The following TTC13 variants were observed in gnomAD, a reference collection of about 807,000 sequenced individuals.
The protein encoded by TTC13 is tetratricopeptide repeat protein 13.
TTC13 carries 62 observed loss-of-function variants against 120.0 expected under a neutral mutation model. The ratio of observed to expected loss-of-function variants is 0.52; its 90% CI spans 0.42 to 0.64. The LOEUF is 0.64. Ranked by LOEUF, TTC13 falls within the 30% of genes least tolerant of loss-of-function variation. The pLI is 0.00. For synonymous variants in TTC13, 384 were observed against 393.5 expected, an observed-to-expected ratio of 0.98 and a Z score of 0.28; for missense variants, 824 against 1,050.2, an observed-to-expected ratio of 0.78 and a Z score of 2.98.
At chr1:230,943,772 A>G (rs760761732) in intron 6 of TTC13, 34 bp downstream of exon 6, 4 of 1,539,106 alleles carry the variant, frequency 2.6e-6, no homozygotes, top group South Asian at 2.4e-5. Context: ...AACTAATCCA[A>G]TAATGACAGA....
chr1:230,967,665 T>A (rs1398075592), intron 1 of TTC13, among the ~76,000 whole-genome samples: 1 of 152,210 alleles, frequency 6.6e-6, no homozygotes, highest in Non-Finnish European at 1.5e-5. Flanking sequence ...AGAAAAATAG[T>A]TGCTAGAGTT....
chr1:230,917,117 A>C (rs1439335279), intron 17 of TTC13, among the ~76,000 whole-genome samples: 2 of 152,138 alleles, frequency 1.3e-5, no homozygotes, highest in Admixed American at 1.3e-4. Flanking sequence ...GCAGCCCAGA[A>C]GCCAGAGGAT....
chr1:230,948,420 A>C (rs1675219689), intron 4 of TTC13, among the ~76,000 whole-genome samples: 1 of 149,534 alleles, frequency 6.7e-6, no homozygotes, highest in Non-Finnish European at 1.5e-5. Flanking sequence ...AAAAAAAGGT[A>C]ACATCTAAAT....
At chr1:230,937,973 C>T (rs888944507) in intron 8 of TTC13, among the ~76,000 whole-genome samples, 6 of 152,304 alleles carry the variant, frequency 3.9e-5, no homozygotes, top group African/African-American at 1.4e-4. Context: ...TGCACTAATA[C>T]GTATTGAGCA....
At chr1:230,933,565 T>G (rs1673763939) in intron 9 of TTC13, among the ~76,000 whole-genome samples, 1 of 152,204 alleles carries the variant, frequency 6.6e-6, no homozygotes, top group African/African-American at 2.4e-5. Flanking sequence ...ACGCTGAAGT[T>G]AAGAGAGAAT....
intron 1 of TTC13, among the ~76,000 whole-genome samples, chr1:230,974,076 C>CAAA (rs56139200): frequency 9.6e-6 from 1 of 103,738 alleles, no homozygotes; most frequent in Non-Finnish European, 2.0e-5. Context: ...TACTCCATCT[C>CAAA]AAAAAAAAAA....
intron 16 of TTC13, 95 bp downstream of exon 16, chr1:230,921,326 C>T (rs1008744639): frequency 2.0e-5 from 14 of 705,958 alleles, no homozygotes; most frequent in Middle Eastern, 2.6e-4. Flanking sequence ...TTGTTTAGCC[C>T]GTCAACAGGC....
rs12135063 is a variant in TTC13 at position 230,944,552 on chromosome 1, C to T, written c.580-654G>A. The stretch of plus-strand genomic sequence containing the variant: ...CTAAGCACTTCCATCATTCCCAATT[C>T]TAAATTCATTCTCAGTCCTCTATGT... On this transcript the variant is annotated intron_variant, in intron 5 of 22. Coordinates refer to ENST00000366661, the MANE Select transcript of TTC13 (RefSeq NM_024525.5). This position sits in a 1 kb window ranked among gnomAD's most constrained non-coding sequence, Gnocchi z 4.0. Among the ~76,000 whole-genome samples, 11,259 of 152,148 alleles carry T rather than the reference C, an allele frequency of 0.074. 456 individuals carry two copies. Among genetic ancestry groups the T allele is most frequent in the Non-Finnish European group, 0.088 (5,973 of 68,006 alleles).
chr1:230,940,414 A>G lies in TTC13; in HGVS notation c.789+26T>C, dbSNP rs1344488842. On this transcript the variant is annotated intron_variant, in intron 7 of 22. Transcript: ENST00000366661. The surrounding 1 kb of genome is among the most constrained non-coding windows in gnomAD (Gnocchi z 4.1). ...AAAATGAAATCTTCATCATCATAAA[A>G]ATACTTCAAGACAAAAACCAGTCAC... 1 of 1,448,268 alleles carries G rather than the reference A, an allele frequency of 6.9e-7. No homozygotes were observed. The highest frequency in any genetic ancestry group is 1.2e-5 in the South Asian group (1 of 85,364). The allele number at this position is 1,448,268 out of a possible 1,614,324, so 89.7% of individuals were successfully genotyped here. A position where few individuals can be genotyped will look rare whatever the true frequency, so the allele number is the denominator to read the frequency against.
chr1:230,907,924 G>A (rs1671093701), intron 22 of TTC13, among the ~76,000 whole-genome samples: 1 of 152,100 alleles, frequency 6.6e-6, no homozygotes, highest in Non-Finnish European at 1.5e-5. Context: ...CCTCTCCAGT[G>A]CTTCTGGAAA....
rs199970513 is a variant in TTC13, at chr1:230,908,971, C to G, written c.2359G>C (p.Glu787Gln). 1 of 1,614,220 alleles carries G rather than the reference C, an allele frequency of 6.2e-7. No homozygotes were observed. The highest frequency in any genetic ancestry group is 8.5e-7 in the Non-Finnish European group (1 of 1,180,042). ...IVGALMASGK[E>Q]VAGKIPKGKL... The stretch of plus-strand genomic sequence containing the variant: ...CCTTTGGGAATTTTTCCTGCTACTT[C>G]TTTTCCACTTGCCATCAGTGCTCCC... Residue 787 changes from glutamate (E) to glutamine (Q), a missense_variant, in exon 21 of 23, where the codon GAA becomes CAA. Transcript: ENST00000366661.
At chr1:230,933,613 T>C (rs1673768869) in intron 9 of TTC13, among the ~76,000 whole-genome samples, 166 bp downstream of exon 9, 1 of 152,246 alleles carries the variant, frequency 6.6e-6, no homozygotes, top group Admixed American at 6.5e-5. Context: ...AATTTATTTT[T>C]CTGCATTTCA....
chr1:230,965,897 C>A (rs1342703582), intron 1 of TTC13, among the ~76,000 whole-genome samples: 1 of 152,180 alleles, frequency 6.6e-6, no homozygotes, highest in Non-Finnish European at 1.5e-5. Flanking sequence ...GCAATCCTCT[C>A]GCCTCAACCT....
chr1:230,924,994 GA>G, intron 13 of TTC13, 21 bp from the exon 14 acceptor site: 2 of 1,614,056 alleles, frequency 1.2e-6, no homozygotes, highest in African/African-American at 2.7e-5. Flanking sequence ...GGAATATCGA[GA>G]AGAGTTAGTA....
chr1:230,956,604 T>C (rs1203028609), intron 3 of TTC13: 4 of 376,014 alleles, frequency 1.1e-5, no homozygotes, highest in African/African-American at 2.2e-5. Flanking sequence ...AAAACAAATA[T>C]GATTTTTAGA....
At chr1:230,921,621 A>G in intron 15 of TTC13, 117 bp from the exon 16 acceptor site, 1 of 604,878 alleles carries the variant, frequency 1.7e-6, no homozygotes, top group South Asian at 2.4e-5. Flanking sequence ...ATGTAGAAAA[A>G]AAAAGTCTGG....
chr1:230,909,685 AAAG>A (rs1259646386), intron 20 of TTC13, among the ~76,000 whole-genome samples: 2 of 152,264 alleles, frequency 1.3e-5, no homozygotes, highest in African/African-American at 4.8e-5. Flanking sequence ...GCTGGCCTTC[AAAG>A]AAGAAATGCA....
intron 4 of TTC13, among the ~76,000 whole-genome samples, chr1:230,948,174 A>T (rs1246870343): frequency 1.3e-5 from 2 of 152,196 alleles, no homozygotes; most frequent in Non-Finnish European, 2.9e-5. Context: ...TTAAACTCCA[A>T]ATCACTGAAA....
At chr1:230,929,183 C>G in intron 11 of TTC13, 90 bp from the exon 12 acceptor site, 1 of 1,328,180 alleles carries the variant, frequency 7.5e-7, no homozygotes, top group Non-Finnish European at 1.0e-6. Flanking sequence ...TTGTAACAAG[C>G]TGTTCTTCAA....
Sources: gnomAD v4.1 joint callset for allele counts (sites outside exome capture counted in the v4.1 genomes callset) on GRCh38, gnomAD v4.1.1 for gene constraint, Gnocchi (gnomAD v3.1) non-coding constraint, MANE v1.5 for transcripts, NCBI Gene and HGNC (gene_info 2026-07-23, HGNC 2026-07-21) for gene names.